Variants in USH2A observed in about 807,000 individuals in gnomAD.
USH2A encodes the protein Usher syndrome 2A (autosomal recessive, mild).
A neutral mutation model predicts 538.9 loss-of-function variants in USH2A; 443 were observed. The ratio of observed to expected loss-of-function variants is 0.82; its 90% CI spans 0.76 to 0.89. The LOEUF (loss-of-function observed/expected upper bound fraction) is 0.89. USH2A is among the 40% of genes least tolerant of loss of function. The probability of loss-of-function intolerance (pLI) is 0.00; values close to 1 mark genes in which losing one functional copy is unlikely to be tolerated. For missense variants in USH2A, 6,633 were observed against 6,324.8 expected (o/e 1.05, Z -1.65); for synonymous variants, 2,413 against 2,273.5 (o/e 1.06, Z -1.75).
intron 49 of USH2A, among the ~76,000 whole-genome samples, chr1:215,803,441 G>C (rs544524162): frequency 6.6e-6 from 1 of 152,238 alleles, no homozygotes; most frequent in African/African-American, 2.4e-5. Context: ...AAAGCCTCAG[G>C]ATACAACATC....
In USH2A at chr1:215,625,828, T is replaced by C. The variant is rs58257972; in HGVS notation, c.15562A>G (p.Ser5188Gly). ...GTGGTGCGTTCCTTAGTCACTGAGC[T>C]GAAATCCTTGATGGCGTTCATCAGG... ...EDLMNAIKDF[S>G]SVTKERTTFT... The change falls in exon 72 of 72, where the codon AGC (serine) becomes GGC (glycine). Residue 5188 changes from serine (S) to glycine (G), a missense_variant. Physicochemically the swap from Ser to Gly is moderately conservative, Grantham distance 56. Transcript: ENST00000307340. 14,322 of 1,614,074 alleles carry C rather than the reference T, an allele frequency of 8.9e-3. 369 individuals carry two copies. Among genetic ancestry groups the C allele is most frequent in the South Asian group, 0.068 (6,234 of 91,056 alleles).
At chr1:216,397,977 G>A (rs141180800) in intron 3 of USH2A, among the ~76,000 whole-genome samples, 175 of 152,276 alleles carry the variant, frequency 1.1e-3, no homozygotes, top group Non-Finnish European at 1.9e-3. Context: ...TACAGACCAT[G>A]TCTAGCTTGA....
At chr1:215,829,005 A>G (rs1386520631) in intron 47 of USH2A, among the ~76,000 whole-genome samples, 4 of 152,160 alleles carry the variant, frequency 2.6e-5, no homozygotes, top group Non-Finnish European at 5.9e-5. Flanking sequence ...TGAATTAGCT[A>G]TTGATTAAAT....
intron 3 of USH2A, among the ~76,000 whole-genome samples, chr1:216,373,877 G>A (rs2038763697): frequency 6.6e-6 from 1 of 151,982 alleles, no homozygotes; most frequent in South Asian, 2.1e-4. Flanking sequence ...CGATAGACTG[G>A]ATTAAGAAAA....
At chr1:215,710,937 C>G (rs886454153) in intron 61 of USH2A, among the ~76,000 whole-genome samples, 1 of 151,958 alleles carries the variant, frequency 6.6e-6, no homozygotes, top group South Asian at 2.1e-4. Context: ...TTTCTTCTAT[C>G]GGCTTCTAGA....
intron 44 of USH2A, 144 bp downstream of exon 44, chr1:215,866,863 C>T (rs1234071815): frequency 5.3e-6 from 6 of 1,126,672 alleles, no homozygotes; most frequent in African/African-American, 1.5e-5. Flanking sequence ...TCAATGACAG[C>T]CCTGTCAATC....
chr1:216,362,137 T>C (rs1239759102), intron 4 of USH2A, among the ~76,000 whole-genome samples: 1 of 152,176 alleles, frequency 6.6e-6, no homozygotes, highest in Non-Finnish European at 1.5e-5. Flanking sequence ...TTTGCTTAAA[T>C]ATTAAAGGAT....
chr1:215,707,536 C>CAGCTAAGGAA (rs2102695138), intron 61 of USH2A, among the ~76,000 whole-genome samples: 1 of 152,258 alleles, frequency 6.6e-6, no homozygotes, highest in Admixed American at 6.5e-5. Flanking sequence ...GGAATAGGAA[C>CAGCTAAGGAA]AGCTAAGGAA....
intron 3 of USH2A, 106 bp from the exon 4 acceptor site, chr1:216,365,191 G>T (rs1317157143): frequency 7.6e-7 from 1 of 1,316,718 alleles, no homozygotes; most frequent in Non-Finnish European, 1.0e-6. Flanking sequence ...TCTTTACTTT[G>T]TTCAGCTGGG....
intron 3 of USH2A, among the ~76,000 whole-genome samples, chr1:216,386,488 AAAACAAACAAACAAAC>A (rs71161420): frequency 9.6e-5 from 13 of 134,914 alleles, no homozygotes; most frequent in Admixed American, 1.5e-4. Context: ...TCGTCTCAAA[AAAACAAACAAACAAAC>A]AAACAAACAA....
intron 36 of USH2A, among the ~76,000 whole-genome samples, chr1:215,965,923 T>TCA (rs34484768): frequency 0.17 from 24,121 of 142,364 alleles, 2,238 homozygotes; most frequent in South Asian, 0.29. Flanking sequence ...CTCTTCTCTG[T>TCA]CACACACACA....
rs1417158837 is a variant in USH2A, at chr1:215,970,687, A to C, written c.6895T>G (p.Trp2299Gly). The C allele has an allele frequency of 1.9e-6, 3 of 1,613,730 alleles. No individual in the cohort carries two copies. The highest frequency in any genetic ancestry group is 1.7e-5 in the Admixed American group (1 of 59,942). The change falls in exon 36 of 72, where the codon TGG becomes GGG. Residue 2299 changes from tryptophan (W) to glycine (G), a missense_variant. Trp to Gly is a radical substitution (Grantham distance 184). Coordinates refer to ENST00000307340, the MANE Select transcript of USH2A (RefSeq NM_206933.4). ...TGGACTCTGAAGGAATGTAAACTCC[A>C]AGGAGCAAATCCGTAAGCACGATAG... ...LSYRAYGFAPWSLHSFRVQAC... is the reference protein window; with the variant it reads ...LSYRAYGFAPGSLHSFRVQAC...
At chr1:216,301,235 A>G (rs1322103963) in intron 9 of USH2A, among the ~76,000 whole-genome samples, 1 of 152,200 alleles carries the variant, frequency 6.6e-6, no homozygotes, top group Admixed American at 6.5e-5. Context: ...CCTCTTAGAC[A>G]AAGATATATG....
intron 44 of USH2A, among the ~76,000 whole-genome samples, chr1:215,847,093 AC>A (rs1242853832): frequency 2.6e-5 from 4 of 152,132 alleles, no homozygotes; most frequent in Non-Finnish European, 5.9e-5. Context: ...CCTTTCAAAG[AC>A]CAGTCTATTA....
intron 32 of USH2A, among the ~76,000 whole-genome samples, chr1:216,036,942 G>T (rs2030013557): frequency 6.6e-6 from 1 of 151,976 alleles, no homozygotes; most frequent in African/African-American, 2.4e-5. Context: ...CATGGAAAAT[G>T]GAATTAAAAA....
chr1:216,158,986 T>C (rs1170685113), intron 21 of USH2A, among the ~76,000 whole-genome samples: 1 of 152,200 alleles, frequency 6.6e-6, no homozygotes, highest in Admixed American at 6.5e-5. Context: ...ATGGTACTTT[T>C]AAACATTTCA....
intron 3 of USH2A, among the ~76,000 whole-genome samples, chr1:216,388,913 GA>G (rs775389191): frequency 1.6e-4 from 25 of 152,278 alleles, no homozygotes; most frequent in Non-Finnish European, 3.1e-4. Flanking sequence ...ACAGAAAATG[GA>G]AACTACTGTA....
intron 11 of USH2A, among the ~76,000 whole-genome samples, chr1:216,266,638 G>A (rs1571639187): frequency 6.6e-6 from 1 of 152,148 alleles, no homozygotes; most frequent in South Asian, 2.1e-4. Flanking sequence ...AGGATGTAGA[G>A]GTATATGAAA....
chr1:216,001,896 G>A lies in USH2A; in HGVS notation c.6326-1334C>T, dbSNP rs768552542. On this transcript the variant is annotated intron_variant, in intron 32 of 71. Transcript: ENST00000307340. ...CCTTAGAACAAAAAGTTGTCAACAAGAAGAGACTCTTAATGCTTTTGATTA... is the reference window on the plus strand; with the variant it reads ...CCTTAGAACAAAAAGTTGTCAACAAAAAGAGACTCTTAATGCTTTTGATTA... Among the ~76,000 whole-genome samples the A allele has an allele frequency of 6.6e-5, 10 of 152,288 alleles. No homozygotes were observed. In the South Asian group the frequency reaches 8.3e-4, roughly 13 times the overall value.
Sources: gnomAD v4.1 joint callset for allele counts (sites outside exome capture counted in the v4.1 genomes callset) on GRCh38, gnomAD v4.1.1 for gene constraint, MANE v1.5 for transcripts, NCBI Gene and HGNC (gene_info 2026-07-23, HGNC 2026-07-21) for gene names.